DPP10: variants seen among roughly 807,000 people sequenced by gnomAD.
The protein encoded by DPP10 is dipeptidyl peptidase like 10.
In DPP10, 33 loss-of-function variants were observed where a neutral mutation model predicts 120.9. The observed-to-expected ratio is 0.27, with a 90% CI of 0.21 to 0.37. The LOEUF is 0.37. Ranked by LOEUF, DPP10 falls within the 10% of genes least tolerant of loss-of-function variation. DPP10 has a pLI of 1.00. For missense variants in DPP10, 816 were observed against 942.8 expected (o/e 0.87, Z 1.76); for synonymous variants, 337 against 326.1 (o/e 1.03, Z -0.36).
intron 1 of DPP10, among the ~76,000 whole-genome samples, chr2:114,710,680 G>A (rs556947882): frequency 6.6e-6 from 1 of 152,148 alleles, no homozygotes; most frequent in Non-Finnish European, 1.5e-5. Flanking sequence ...AGGAGACGGA[G>A]GTTGCAGACA....
chr2:115,026,868 G>A (rs1267018839), intron 1 of DPP10, among the ~76,000 whole-genome samples: 1 of 152,024 alleles, frequency 6.6e-6, no homozygotes, highest in Non-Finnish European at 1.5e-5. Context: ...AATATCCTTG[G>A]TATTTTGATA....
At chr2:115,070,321 A>T (rs142193733) in intron 1 of DPP10, among the ~76,000 whole-genome samples, 2,486 of 152,164 alleles carry the variant, frequency 0.016, 52 homozygotes, top group African/African-American at 0.047. Context: ...ACATTATTGT[A>T]TTGTAATTTT....
At chr2:114,730,792 C>A (rs1376537775) in intron 1 of DPP10, among the ~76,000 whole-genome samples, 1 of 152,098 alleles carries the variant, frequency 6.6e-6, no homozygotes, top group East Asian at 1.9e-4. Context: ...CAGGGTTTCA[C>A]CCTGTTAGGC....
chr2:115,625,970 T>G (rs756200282), intron 5 of DPP10, among the ~76,000 whole-genome samples: 1 of 151,744 alleles, frequency 6.6e-6, no homozygotes, highest in Non-Finnish European at 1.5e-5. Flanking sequence ...TCTTGAGATA[T>G]CTCTATATCT....
intron 1 of DPP10, among the ~76,000 whole-genome samples, chr2:114,573,625 T>C (rs1298724399): frequency 1.3e-5 from 2 of 152,170 alleles, no homozygotes; most frequent in African/African-American, 4.8e-5. Context: ...CAAAGGGAAA[T>C]AGATCTTGGG....
intron 3 of DPP10, among the ~76,000 whole-genome samples, chr2:115,442,493 G>T (rs2072172314): frequency 6.6e-6 from 1 of 152,036 alleles, no homozygotes; most frequent in Middle Eastern, 3.2e-3. Flanking sequence ...ACAGTATTCA[G>T]TGTCCAGTGG....
intron 4 of DPP10, among the ~76,000 whole-genome samples, chr2:115,516,780 A>G (rs751917231): frequency 1.3e-5 from 2 of 152,114 alleles, no homozygotes; most frequent in African/African-American, 2.4e-5. Context: ...ATGTTAATGT[A>G]ATTAATATGT....
intron 1 of DPP10, among the ~76,000 whole-genome samples, chr2:114,639,607 A>G (rs1371152298): frequency 6.6e-6 from 1 of 151,882 alleles, no homozygotes; most frequent in Admixed American, 6.5e-5. Flanking sequence ...CATGCAATAT[A>G]CGCATTTAAC....
At chr2:114,579,982 T>C (rs1690368225) in intron 1 of DPP10, among the ~76,000 whole-genome samples, 1 of 152,216 alleles carries the variant, frequency 6.6e-6, no homozygotes, top group Non-Finnish European at 1.5e-5. Context: ...AACAAAATTA[T>C]GTGCCGAGAA....
chr2:114,916,176 C>T (rs912755382), intron 1 of DPP10, among the ~76,000 whole-genome samples: 2 of 152,094 alleles, frequency 1.3e-5, no homozygotes, highest in Non-Finnish European at 1.5e-5. Flanking sequence ...TACAGAAAAT[C>T]CTCAGAGGTT....
At chr2:115,683,120 T>C (rs1389411957) in intron 5 of DPP10, among the ~76,000 whole-genome samples, 2 of 151,924 alleles carry the variant, frequency 1.3e-5, no homozygotes, top group African/African-American at 2.4e-5. Flanking sequence ...AATTAACACC[T>C]ATAAACTGTG....
intron 1 of DPP10, among the ~76,000 whole-genome samples, chr2:115,024,684 C>T (rs1703331498): frequency 6.8e-6 from 1 of 147,250 alleles, no homozygotes; most frequent in South Asian, 2.1e-4. Context: ...TATAGAGAGA[C>T]AGAACCTTAA....
intron 2 of DPP10, among the ~76,000 whole-genome samples, chr2:115,333,787 A>C (rs2062913288): frequency 6.6e-6 from 1 of 152,104 alleles, no homozygotes; most frequent in Admixed American, 6.6e-5. Flanking sequence ...TTCTGCCGAG[A>C]GATCCGCTGT....
chr2:114,491,763 T>C (rs1399060280), intron 1 of DPP10, among the ~76,000 whole-genome samples: 1 of 152,210 alleles, frequency 6.6e-6, no homozygotes, highest in Non-Finnish European at 1.5e-5. Flanking sequence ...TAATTTTCAG[T>C]TATTTAATTC....
chr2:115,457,632 A>G (rs2073674446), intron 3 of DPP10, among the ~76,000 whole-genome samples: 1 of 151,262 alleles, frequency 6.6e-6, no homozygotes, highest in South Asian at 2.1e-4. Context: ...ACATAATGAA[A>G]TACCTCTATA....
intron 5 of DPP10, among the ~76,000 whole-genome samples, chr2:115,651,296 G>C (rs1343785178): frequency 6.6e-6 from 1 of 152,040 alleles, no homozygotes; most frequent in African/African-American, 2.4e-5. Context: ...AGTCTTTCTA[G>C]TTGGTAAATT....
chr2:115,657,710 T>C (rs2088512630), intron 5 of DPP10, among the ~76,000 whole-genome samples: 1 of 151,952 alleles, frequency 6.6e-6, no homozygotes, highest in African/African-American at 2.4e-5. Flanking sequence ...GGAAGATGCA[T>C]CATCACGCAA....
intron 17 of DPP10, among the ~76,000 whole-genome samples, chr2:115,786,656 A>G (rs1683379981): frequency 6.6e-6 from 1 of 152,214 alleles, no homozygotes; most frequent in Non-Finnish European, 1.5e-5. Context: ...TTTCTTGTTA[A>G]TAGAAATTTC....
chr2:115,759,883 G>T (rs554896896), intron 11 of DPP10, among the ~76,000 whole-genome samples: 7 of 152,104 alleles, frequency 4.6e-5, no homozygotes, highest in Admixed American at 2.0e-4. Context: ...GTTGGCGCAT[G>T]CCTGTAATCC....
Sources: allele counts gnomAD v4.1 joint callset (sites outside exome capture counted in the v4.1 genomes callset), GRCh38; gene constraint gnomAD v4.1.1; transcripts MANE v1.5; gene names NCBI Gene and HGNC (gene_info 2026-07-23, HGNC 2026-07-21).